Variants in ANP32B observed in about 807,000 individuals in gnomAD.
The protein encoded by ANP32B is acidic leucine-rich nuclear phosphoprotein 32 family member B.
Under a neutral mutation model 32.2 loss-of-function variants are expected in ANP32B, and 6 were observed. The observed-to-expected ratio is 0.19, with a 90% confidence interval of 0.10 to 0.37. The LOEUF (loss-of-function observed/expected upper bound fraction) is 0.37, where lower values mean the gene tolerates loss of function less well. Ranked by LOEUF, ANP32B falls within the 10% of genes least tolerant of loss-of-function variation. The pLI is 1.00. For missense variants in ANP32B, 204 were observed against 289.2 expected, an observed-to-expected ratio of 0.71 and a Z score of 2.14; for synonymous variants, 98 against 105.8, an observed-to-expected ratio of 0.93 and a Z score of 0.45.
chr9:97,991,912 T>C (rs1827830411), intron 1 of ANP32B, among the ~76,000 whole-genome samples: 1 of 152,234 alleles, frequency 6.6e-6, no homozygotes, highest in Non-Finnish European at 1.5e-5. Flanking sequence ...CCCTTTTATG[T>C]CCAGGTTTTC....
At chr9:97,983,902 G>A (rs1827646943) in intron 1 of ANP32B, among the ~76,000 whole-genome samples, 1 of 152,060 alleles carries the variant, frequency 6.6e-6, no homozygotes, top group Non-Finnish European at 1.5e-5. Flanking sequence ...GTGTGCAAGT[G>A]GCCGGCGGCG....
chr9:97,987,984 T>C (rs1368735425), intron 1 of ANP32B, among the ~76,000 whole-genome samples: 1 of 152,116 alleles, frequency 6.6e-6, no homozygotes, highest in Non-Finnish European at 1.5e-5. Flanking sequence ...GGCCAAAAAA[T>C]TGTAGGTATA....
rs1469084957 is a variant in ANP32B, at chr9:98,015,869, G to A, written c.*438G>A. The A allele has an allele frequency of 4.2e-6, 4 of 963,440 alleles. No homozygotes were observed. Among genetic ancestry groups the A allele is most frequent in the Non-Finnish European group, 4.9e-6 (4 of 810,086 alleles). The allele number at this position is 963,440 out of a possible 1,614,324, so 59.7% of individuals were successfully genotyped here. A position where few individuals can be genotyped will look rare whatever the true frequency, so the allele number is the denominator to read the frequency against. On this transcript the variant is annotated 3_prime_UTR_variant, in exon 7 of 7. Transcript: ENST00000339399. ...TATTATTATTATTTTTTTTACATTAGGACATTTTATGTGACAACTGCCAAA... is the reference window on the plus strand; with the variant it reads ...TATTATTATTATTTTTTTTACATTAAGACATTTTATGTGACAACTGCCAAA...
chr9:97,994,767 C>A lies in ANP32B; in HGVS notation c.191C>A (p.Pro64His), dbSNP rs764181693. ...LISVSNLPKL[P>H]KLKKLELSEN... Reference sequence around the variant, plus strand: ...TCAGTTTCAAATCTCCCCAAGCTGCCTAAATTGAAAAAGGTAAGTGCTTTT... The same window carrying A: ...TCAGTTTCAAATCTCCCCAAGCTGCATAAATTGAAAAAGGTAAGTGCTTTT... The change falls in exon 2 of 7, where the codon CCT (proline) becomes CAT (histidine). Residue 64 changes from proline (P) to histidine (H), a missense_variant. Transcript: ENST00000339399. The A allele has an allele frequency of 1.3e-6, 2 of 1,588,372 alleles. No homozygotes were observed. Among genetic ancestry groups the A allele is most frequent in the Admixed American group, 1.9e-5 (1 of 52,758 alleles).
chr9:97,998,053 G>A (rs1827932628), intron 2 of ANP32B, among the ~76,000 whole-genome samples: 1 of 152,188 alleles, frequency 6.6e-6, no homozygotes, highest in Non-Finnish European at 1.5e-5. Flanking sequence ...TGTAGGGCCC[G>A]TTCCTCTCTT....
In ANP32B at chr9:97,993,080, A is replaced by G. The variant is rs531677793; in HGVS notation, c.55-1551A>G. Among the ~76,000 whole-genome samples, 14 of 152,316 alleles carry G rather than the reference A, an allele frequency of 9.2e-5. No individual in the cohort carries two copies. In the South Asian group the frequency reaches 2.1e-3, roughly 23 times the overall value. On this transcript the variant is annotated intron_variant, in intron 1 of 6. Transcript: ENST00000339399. ...TCAGATGTGCCCATTTCTTATCAGA[A>G]AAGGGAAGAATGGCAGAGATACCTA...
intron 4 of ANP32B, among the ~76,000 whole-genome samples, chr9:98,006,819 G>C (rs928492884): frequency 1.3e-5 from 2 of 151,968 alleles, no homozygotes; most frequent in African/African-American, 4.8e-5. Flanking sequence ...GGAAACCCTG[G>C]CTCTGCAAAA....
rs756733688 is a variant in ANP32B at position 98,015,720 on chromosome 9, A to C, written c.*289A>C. On this transcript the variant is annotated 3_prime_UTR_variant, in exon 7 of 7. Transcript: ENST00000339399. ...CGTGGATAGCTGTGATTGGTGAGTC[A>C]ACCGTCTGTGGCTACCAGTTACACT... is the stretch of plus-strand genomic sequence containing the variant. The C allele has an allele frequency of 9.5e-7, 1 of 1,054,962 alleles. No individual in the cohort carries two copies. Among genetic ancestry groups the C allele is most frequent in the Non-Finnish European group, 1.1e-6 (1 of 873,502 alleles). The allele number at this position is 1,054,962 out of a possible 1,614,324, so 65.4% of individuals were successfully genotyped here.
At chr9:98,002,205 T>G (rs1255710938) in intron 3 of ANP32B, 8 of 152,236 alleles carry the variant, frequency 5.3e-5, no homozygotes, top group Non-Finnish European at 1.2e-4. Flanking sequence ...ACATACATTT[T>G]GAACACCGTC....
intron 1 of ANP32B, among the ~76,000 whole-genome samples, chr9:97,989,518 A>G (rs1050967873): frequency 1.3e-5 from 2 of 152,202 alleles, no homozygotes; most frequent in Non-Finnish European, 2.9e-5. Context: ...TGGATCAAAT[A>G]GATCCCTCAG....
At chr9:97,989,618 CT>C (rs1182484114) in intron 1 of ANP32B, among the ~76,000 whole-genome samples, 1 of 152,062 alleles carries the variant, frequency 6.6e-6, no homozygotes, top group Non-Finnish European at 1.5e-5. Context: ...AAACTAGGGC[CT>C]TTTCTCCTTT....
intron 3 of ANP32B, among the ~76,000 whole-genome samples, chr9:98,004,497 A>C (rs1394824531): frequency 6.6e-6 from 1 of 152,154 alleles, no homozygotes; most frequent in African/African-American, 2.4e-5. Context: ...CTGTGCCCTA[A>C]CTAAAATTGT....
intron 2 of ANP32B, among the ~76,000 whole-genome samples, chr9:97,996,584 A>C (rs1226794180): frequency 6.6e-6 from 1 of 152,104 alleles, no homozygotes. Flanking sequence ...TCCAGAACAC[A>C]AATTGGTTTT....
At position 97,994,625 on chromosome 9, in the gene ANP32B, C is replaced by G. The variant is rs760365777; in HGVS notation, c.55-6C>G. The G allele has an allele frequency of 1.3e-6, 2 of 1,594,310 alleles. No individual in the cohort carries two copies. Among genetic ancestry groups the G allele is most frequent in the South Asian group, 2.3e-5 (2 of 86,496 alleles). On this transcript the variant is annotated splice_polypyrimidine_tract_variant and splice_region_variant and intron_variant, in intron 1 of 6. Transcript: ENST00000339399. ...GAGCTTATCCTTTTTTCTTTGTCAT[C>G]CACAGGTTCGAGAACTTGTCTTGGA...
Position 98,010,992 on chromosome 9 carries a change from C to T in ANP32B, c.518-279C>T, listed in dbSNP as rs377523264. ...TTTTATTCCTGCATACCCTTACCTTCTTCCCCACTCCATATAATTTTGAAG... is the reference window on the plus strand; with the variant it reads ...TTTTATTCCTGCATACCCTTACCTTTTTCCCCACTCCATATAATTTTGAAG... On this transcript the variant is annotated intron_variant, in intron 4 of 6. Coordinates refer to ENST00000339399, the MANE Select transcript of ANP32B (RefSeq NM_006401.3). Among the ~76,000 whole-genome samples the T allele has an allele frequency of 7.9e-5, 12 of 152,288 alleles. No individual in the cohort carries two copies. In the East Asian group the frequency reaches 2.1e-3, roughly 27 times the overall value.
intron 1 of ANP32B, among the ~76,000 whole-genome samples, chr9:97,989,061 A>C (rs1203205282): frequency 6.6e-6 from 1 of 152,218 alleles, no homozygotes; most frequent in African/African-American, 2.4e-5. Context: ...AGCAAATTGA[A>C]GAGAATGAAA....
chr9:97,994,249 G>T (rs958270973), intron 1 of ANP32B, among the ~76,000 whole-genome samples: 4 of 152,156 alleles, frequency 2.6e-5, no homozygotes, highest in African/African-American at 9.7e-5. Flanking sequence ...GGGCCTTAAG[G>T]TAGACCCAGC....
rs1355079787 is a variant in ANP32B, at chr9:97,983,555, C to T, written c.-1C>T. The stretch of plus-strand genomic sequence containing the variant: ...GTTTGAAGAGGGGGGAAGAGGGGAA[C>T]ATGGACATGAAGAGGAGGATCCACC... On this transcript the variant is annotated 5_prime_UTR_variant, in exon 1 of 7. Transcript: ENST00000339399. The T allele has an allele frequency of 3.2e-6, 5 of 1,580,520 alleles. No individual in the cohort carries two copies. Among genetic ancestry groups the T allele is most frequent in the Non-Finnish European group, 4.3e-6 (5 of 1,164,306 alleles).
intron 1 of ANP32B, 138 bp from the exon 2 acceptor site, chr9:97,994,493 A>G (rs1827874903): frequency 1.4e-6 from 1 of 721,630 alleles, no homozygotes; most frequent in Non-Finnish European, 2.2e-6. Context: ...TCTTTTTATA[A>G]CTATGATCTA....
Sources: gnomAD v4.1 joint callset for allele counts (sites outside exome capture counted in the v4.1 genomes callset) on GRCh38, gnomAD v4.1.1 for gene constraint, MANE v1.5 for transcripts, NCBI Gene and HGNC (gene_info 2026-07-23, HGNC 2026-07-21) for gene names.